The following CCBE1 variants were observed in gnomAD, a reference collection of about 807,000 sequenced individuals.
The protein encoded by CCBE1 is collagen and calcium binding EGF domains 1.
A neutral mutation model predicts 50.0 loss-of-function variants in CCBE1; 37 were observed. The ratio of observed to expected loss-of-function variants is 0.74; its 90% CI spans 0.57 to 0.97. The LOEUF (loss-of-function observed/expected upper bound fraction) is 0.97, where lower values mean the gene tolerates loss of function less well. CCBE1 is among the 50% of genes least tolerant of loss of function. The pLI is 0.00. For missense variants in CCBE1, 538 were observed against 523.8 expected (o/e 1.03, Z -0.26); for synonymous variants, 234 against 203.7 (o/e 1.15, Z -1.27).
chr18:59,497,859 A>T (rs1913428772), intron 2 of CCBE1, among the ~76,000 whole-genome samples: 1 of 152,218 alleles, frequency 6.6e-6, no homozygotes, highest in African/African-American at 2.4e-5. Flanking sequence ...GGTATCTCCC[A>T]GCCAATCCAG....
chr18:59,544,628 T>C (rs1028476757), intron 2 of CCBE1, among the ~76,000 whole-genome samples: 4 of 152,084 alleles, frequency 2.6e-5, no homozygotes, highest in African/African-American at 9.7e-5. Flanking sequence ...CAGCACAAAA[T>C]GAAAAGTTAG....
intron 2 of CCBE1, among the ~76,000 whole-genome samples, chr18:59,624,844 T>C (rs1446081890): frequency 6.6e-6 from 1 of 152,250 alleles, no homozygotes; most frequent in Admixed American, 6.5e-5. Context: ...GCTGTTTCTT[T>C]GTGTTTTCTT....
At chr18:59,548,525 A>G (rs755686875) in intron 2 of CCBE1, among the ~76,000 whole-genome samples, 10 of 152,204 alleles carry the variant, frequency 6.6e-5, no homozygotes, top group Non-Finnish European at 1.2e-4. Context: ...ACGCAATCAT[A>G]TAAAAAAGAA....
intron 2 of CCBE1, among the ~76,000 whole-genome samples, chr18:59,604,664 G>C (rs2053473470): frequency 6.6e-6 from 1 of 152,160 alleles, no homozygotes; most frequent in African/African-American, 2.4e-5. Flanking sequence ...AATTTCCATG[G>C]TATGTGATTG....
At chr18:59,495,021 G>T (rs927848608) in intron 2 of CCBE1, among the ~76,000 whole-genome samples, 1 of 152,150 alleles carries the variant, frequency 6.6e-6, no homozygotes, top group African/African-American at 2.4e-5. Context: ...GAGGCATGTT[G>T]TCCCAGTTAC....
intron 2 of CCBE1, among the ~76,000 whole-genome samples, chr18:59,543,847 A>AAAAAAAAAAAAAG (rs1915576051): frequency 1.9e-4 from 15 of 78,592 alleles, no homozygotes; most frequent in East Asian, 1.5e-3. Flanking sequence ...AAAAAAAAAA[A>AAAAAAAAAAAAAG]AAAAAAAAAA....
At chr18:59,543,044 CTTAGA>C (rs1915531061) in intron 2 of CCBE1, among the ~76,000 whole-genome samples, 1 of 152,210 alleles carries the variant, frequency 6.6e-6, no homozygotes, top group Non-Finnish European at 1.5e-5. Flanking sequence ...ACAAGTATAA[CTTAGA>C]TTCTCCTCCA....
chr18:59,527,718 A>G (rs1202122741), intron 2 of CCBE1, among the ~76,000 whole-genome samples: 3 of 152,214 alleles, frequency 2.0e-5, no homozygotes, highest in African/African-American at 7.2e-5. Flanking sequence ...TCTAAAAAAT[A>G]CTTTATTTCT....
intron 2 of CCBE1, among the ~76,000 whole-genome samples, chr18:59,572,867 C>T (rs2052934719): frequency 6.6e-6 from 1 of 152,106 alleles, no homozygotes; most frequent in Admixed American, 6.5e-5. Flanking sequence ...ATGTGTCAAT[C>T]CGGTTAGACC....
At chr18:59,527,297 T>G (rs1383787568) in intron 2 of CCBE1, among the ~76,000 whole-genome samples, 1 of 152,234 alleles carries the variant, frequency 6.6e-6, no homozygotes, top group East Asian at 1.9e-4. Context: ...GTTTGAAGTC[T>G]GTTTTATCAG....
intron 3 of CCBE1, among the ~76,000 whole-genome samples, chr18:59,472,961 A>T (rs985072710): frequency 6.6e-6 from 1 of 152,114 alleles, no homozygotes; most frequent in African/African-American, 2.4e-5. Context: ...GAGACTTACC[A>T]CCATGAGAAC....
intron 2 of CCBE1, among the ~76,000 whole-genome samples, chr18:59,572,267 T>C (rs1481101610): frequency 6.6e-6 from 1 of 152,184 alleles, no homozygotes; most frequent in Non-Finnish European, 1.5e-5. Flanking sequence ...GCCAAGGCAG[T>C]ATTATTGTAG....
chr18:59,622,692 T>C (rs1195569453), intron 2 of CCBE1, among the ~76,000 whole-genome samples: 1 of 150,818 alleles, frequency 6.6e-6, no homozygotes, highest in South Asian at 2.1e-4. Flanking sequence ...TCCCAGCTAC[T>C]TAGGAAGCTG....
At chr18:59,675,054 A>G (rs1247128628) in intron 2 of CCBE1, among the ~76,000 whole-genome samples, 2 of 152,158 alleles carry the variant, frequency 1.3e-5, no homozygotes, top group Admixed American at 1.3e-4. Context: ...GGCTTTTCAT[A>G]AGGCACAACA....
chr18:59,529,357 T>C (rs1393998707), intron 2 of CCBE1, among the ~76,000 whole-genome samples: 1 of 152,102 alleles, frequency 6.6e-6, no homozygotes, highest in African/African-American at 2.4e-5. Flanking sequence ...TCAGTTGCCT[T>C]AGGCAGCAGG....
chr18:59,697,450 A>C, upstream of CCBE1: 1 of 1,434,098 alleles, frequency 7.0e-7, no homozygotes, highest in Non-Finnish European at 9.2e-7. Context: ...GGCGCCGGAG[A>C]GCAGGGGCGT....
intron 2 of CCBE1, among the ~76,000 whole-genome samples, chr18:59,673,748 T>C (rs986879618): frequency 3.3e-5 from 5 of 152,192 alleles, no homozygotes; most frequent in Non-Finnish European, 7.3e-5. Flanking sequence ...TTACGTTTAT[T>C]GATTTGCGTA....
chr18:59,656,374 T>A (rs544388358), intron 2 of CCBE1, among the ~76,000 whole-genome samples: 11 of 152,242 alleles, frequency 7.2e-5, no homozygotes, highest in African/African-American at 1.4e-4. Flanking sequence ...CTTATTTCAC[T>A]GCAGAACATG....
In CCBE1 at chr18:59,625,430, C is replaced by CAAAAAAA. The variant is rs750324482; in HGVS notation, c.212+71192_212+71198dup. ...TGGGCTACAGAGTGAGATTCTGTCT[C>CAAAAAAA]AAAAAAAAAAAAAAAAAAAAAAAAT... is the stretch of plus-strand genomic sequence containing the variant. On this transcript the variant is annotated intron_variant, in intron 2 of 10. Transcript: ENST00000439986. Among the ~76,000 whole-genome samples the CAAAAAAA allele has an allele frequency of 1.5e-3, 107 of 69,884 alleles. 5 individuals are homozygous for CAAAAAAA. The highest frequency in any genetic ancestry group is 5.9e-3 in the African/African-American group (97 of 16,454). 45.8% of individuals were successfully genotyped at this position (69,884 alleles called of 152,430 possible). A position where few individuals can be genotyped will look rare whatever the true frequency, so the allele number is the denominator to read the frequency against.
Sources: gnomAD v4.1 joint callset for allele counts (sites outside exome capture counted in the v4.1 genomes callset) on GRCh38, gnomAD v4.1.1 for gene constraint, MANE v1.5 for transcripts, NCBI Gene and HGNC (gene_info 2026-07-23, HGNC 2026-07-21) for gene names.